TMEM178B: variants seen among roughly 807,000 people sequenced by gnomAD.
TMEM178B encodes the protein transmembrane protein 178B.
TMEM178B carries 5 observed loss-of-function variants against 31.0 expected under a neutral mutation model. The ratio of observed to expected loss-of-function variants is 0.16; its 90% CI spans 0.08 to 0.34. The LOEUF (loss-of-function observed/expected upper bound fraction) is 0.34, where lower values mean the gene tolerates loss of function less well. Among genes scored for constraint, TMEM178B ranks in the 10% least tolerant of loss-of-function variants. TMEM178B has a pLI of 1.00. For synonymous variants in TMEM178B, 164 were observed against 164.0 expected (o/e 1.00, Z 0.00); for missense variants, 275 against 400.3 (o/e 0.69, Z 2.67).
intron 2 of TMEM178B, among the ~76,000 whole-genome samples, chr7:141,241,708 C>A (rs940875090): frequency 6.6e-6 from 1 of 151,968 alleles, no homozygotes; most frequent in African/African-American, 2.4e-5. Flanking sequence ...AGGAGCTTCG[C>A]TTTGCTTCCT....
intron 2 of TMEM178B, among the ~76,000 whole-genome samples, chr7:141,378,215 T>C (rs1279293014): frequency 6.6e-6 from 1 of 152,226 alleles, no homozygotes; most frequent in Non-Finnish European, 1.5e-5. Context: ...TTGTGAGTCA[T>C]ACCATGGAGG....
chr7:141,242,317 A>G (rs958902941), intron 2 of TMEM178B, among the ~76,000 whole-genome samples: 1 of 151,854 alleles, frequency 6.6e-6, no homozygotes, highest in East Asian at 1.9e-4. Context: ...TACTTTCTCA[A>G]TCCCAGTAGC....
chr7:141,237,968 G>C (rs1797556060), intron 2 of TMEM178B, among the ~76,000 whole-genome samples: 1 of 150,452 alleles, frequency 6.6e-6, no homozygotes, highest in Admixed American at 6.7e-5. Flanking sequence ...AGGTTGCAGT[G>C]AGCCGAGAAT....
At chr7:141,418,483 T>G (rs2116647660) in intron 2 of TMEM178B, among the ~76,000 whole-genome samples, 1 of 152,322 alleles carries the variant, frequency 6.6e-6, no homozygotes, top group South Asian at 2.1e-4. Context: ...CAAATTGCAG[T>G]TGAAGGTTTT....
chr7:141,494,913 A>T, the TMEM178B span, among the ~76,000 whole-genome samples: 1 of 152,200 alleles, frequency 6.6e-6, no homozygotes, highest in Non-Finnish European at 1.5e-5. Flanking sequence ...GGAATTGGTT[A>T]AGGTACAGAA....
At chr7:141,413,071 T>A (rs1370196753) in intron 2 of TMEM178B, among the ~76,000 whole-genome samples, 2 of 152,180 alleles carry the variant, frequency 1.3e-5, no homozygotes, top group East Asian at 1.9e-4. Context: ...TGATCTTCCA[T>A]GTTATGAAAA....
At chr7:141,410,907 T>G (rs1466177799) in intron 2 of TMEM178B, among the ~76,000 whole-genome samples, 1 of 152,174 alleles carries the variant, frequency 6.6e-6, no homozygotes, top group Non-Finnish European at 1.5e-5. Flanking sequence ...CGATGCATGC[T>G]ACAACATAGA....
chr7:141,428,970 G>A (rs1586953763), intron 2 of TMEM178B, among the ~76,000 whole-genome samples: 1 of 152,088 alleles, frequency 6.6e-6, no homozygotes, highest in South Asian at 2.1e-4. Context: ...AAACCACAAT[G>A]ATATACCATC....
chr7:141,223,809 T>C (rs1797294900), intron 2 of TMEM178B, among the ~76,000 whole-genome samples: 1 of 152,212 alleles, frequency 6.6e-6, no homozygotes, highest in Non-Finnish European at 1.5e-5. Flanking sequence ...CCTGTAGTGA[T>C]GGAAATATTC....
At chr7:141,374,304 G>A (rs1800171838) in intron 2 of TMEM178B, among the ~76,000 whole-genome samples, 1 of 152,098 alleles carries the variant, frequency 6.6e-6, no homozygotes, top group Non-Finnish European at 1.5e-5. Flanking sequence ...ATGATTTCCT[G>A]GTGCTCCATA....
At chr7:141,089,946 T>C (rs535932467) in intron 1 of TMEM178B, among the ~76,000 whole-genome samples, 110 of 151,948 alleles carry the variant, frequency 7.2e-4, no homozygotes, top group South Asian at 1.0e-3. Context: ...CAACATGGCA[T>C]ATGTATACAT....
intron 3 of TMEM178B, among the ~76,000 whole-genome samples, chr7:141,438,728 T>TAAAAAAAAAAAAAAAAAAAAAAAA (rs1801599604): frequency 2.2e-5 from 1 of 45,238 alleles, no homozygotes; most frequent in South Asian, 8.5e-4. Context: ...AAAAAAAAAT[T>TAAAAAAAAAAAAAAAAAAAAAAAA]AGCCAGGCAT....
At chr7:141,116,070 C>T (rs1586777992) in intron 1 of TMEM178B, among the ~76,000 whole-genome samples, 2 of 152,188 alleles carry the variant, frequency 1.3e-5, no homozygotes, top group Admixed American at 6.5e-5. Context: ...AGCTTCAGCT[C>T]CGAGTTCAGT....
chr7:141,384,749 T>G (rs781545863), intron 2 of TMEM178B, among the ~76,000 whole-genome samples: 1 of 152,228 alleles, frequency 6.6e-6, no homozygotes, highest in Non-Finnish European at 1.5e-5. Flanking sequence ...TCCAAATCTG[T>G]GAAGAAAGTC....
At chr7:141,162,283 C>T (rs1796188915) in intron 1 of TMEM178B, among the ~76,000 whole-genome samples, 1 of 152,220 alleles carries the variant, frequency 6.6e-6, no homozygotes, top group African/African-American at 2.4e-5. Flanking sequence ...TTGTTCCGCT[C>T]ATGTTTTACA....
chr7:141,344,102 CTGGAA>C lies in TMEM178B; in HGVS notation c.497-93504_497-93500del, dbSNP rs1799566857. 6.6e-6 allele frequency among the ~76,000 whole-genome samples: 1 copy of C among 152,190 alleles called. No individual in the cohort carries two copies. Among genetic ancestry groups the C allele is most frequent in the Non-Finnish European group, 1.5e-5 (1 of 68,042 alleles). The stretch of plus-strand genomic sequence containing the variant: ...TCACTATATGCTGATCTAAAATTCT[CTGGAA>C]TTATTAGGTTGGTGCAAAAGTAATT... On this transcript the variant is annotated intron_variant, in intron 2 of 3. Transcript: ENST00000565468. The surrounding 1 kb of genome is among the most constrained non-coding windows in gnomAD (Gnocchi z 4.1).
chr7:141,262,903 G>A (rs1234653381), intron 2 of TMEM178B, among the ~76,000 whole-genome samples: 1 of 152,166 alleles, frequency 6.6e-6, no homozygotes, highest in Admixed American at 6.5e-5. Context: ...ACCCAATATA[G>A]CATTCAGCCA....
rs139793113 is a variant in TMEM178B, at chr7:141,345,174, T to A, written c.497-92434T>A. Among the ~76,000 whole-genome samples the A allele has an allele frequency of 2.6e-3, 395 of 152,340 alleles. 3 individuals carry two copies. Among genetic ancestry groups the A allele is most frequent in the African/African-American group, 8.6e-3 (359 of 41,580 alleles). On this transcript the variant is annotated intron_variant, in intron 2 of 3. Coordinates refer to ENST00000565468, the MANE Select transcript of TMEM178B (RefSeq NM_001195278.2). ...AACTCTCACTTTTCCATTTATATAT[T>A]GAAGAGACCTTACGTTTTAACCTAA...
At chr7:141,084,302 A>C (rs1284244207) in intron 1 of TMEM178B, among the ~76,000 whole-genome samples, 2 of 152,236 alleles carry the variant, frequency 1.3e-5, no homozygotes, top group Non-Finnish European at 2.9e-5. Context: ...AAACTAATGA[A>C]TACATCCCTT....
Sources: gnomAD v4.1 joint callset for allele counts (sites outside exome capture counted in the v4.1 genomes callset) on GRCh38, gnomAD v4.1.1 for gene constraint, Gnocchi (gnomAD v3.1) non-coding constraint, MANE v1.5 for transcripts, NCBI Gene and HGNC (gene_info 2026-07-23, HGNC 2026-07-21) for gene names.